The following RBFOX1 variants were observed in gnomAD, a reference collection of about 807,000 sequenced individuals.
RBFOX1 encodes RNA binding fox-1 homolog 1.
Under a neutral mutation model 57.7 loss-of-function variants are expected in RBFOX1, and 8 were observed. The observed-to-expected ratio is 0.14, with a 90% CI of 0.08 to 0.25. RBFOX1 has a LOEUF of 0.25. Among genes scored for constraint, RBFOX1 ranks in the 10% least tolerant of loss-of-function variants. The pLI is 1.00. For missense variants in RBFOX1, 611 were observed against 548.5 expected, an observed-to-expected ratio of 1.11 and a Z score of -1.14; for synonymous variants, 326 against 222.4, an observed-to-expected ratio of 1.47 and a Z score of -4.15.
chr16:7,310,018 C>T (rs568876329), intron 4 of RBFOX1, among the ~76,000 whole-genome samples: 2 of 152,306 alleles, frequency 1.3e-5, no homozygotes, highest in African/African-American at 2.4e-5. Flanking sequence ...CCGGGCTGAG[C>T]GTTGGCCCGT....
intron 4 of RBFOX1, among the ~76,000 whole-genome samples, chr16:5,977,061 C>G (rs1401265919): frequency 6.6e-6 from 1 of 152,158 alleles, no homozygotes; most frequent in Non-Finnish European, 1.5e-5. Context: ...GCATCAGAAT[C>G]TCCTGTCTCA....
chr16:5,639,682 A>C (rs1255193377), intron 3 of RBFOX1, among the ~76,000 whole-genome samples: 1 of 152,136 alleles, frequency 6.6e-6, no homozygotes, highest in African/African-American at 2.4e-5. Context: ...TCACCCATGC[A>C]CATGCCTACC....
intron 3 of RBFOX1, among the ~76,000 whole-genome samples, chr16:5,699,831 ATTAT>A (rs1555504129): frequency 6.6e-6 from 1 of 152,006 alleles, no homozygotes. Context: ...TTCTGGTTTT[ATTAT>A]TTATTTATTT....
At chr16:6,861,634 T>A (rs1384433459) in intron 3 of RBFOX1, among the ~76,000 whole-genome samples, 1 of 152,092 alleles carries the variant, frequency 6.6e-6, no homozygotes, top group Non-Finnish European at 1.5e-5. Context: ...GGTCTTTATG[T>A]TGCAATATTA....
intron 4 of RBFOX1, among the ~76,000 whole-genome samples, chr16:5,942,490 T>C (rs566815662): frequency 6.6e-6 from 1 of 152,316 alleles, no homozygotes; most frequent in Non-Finnish European, 1.5e-5. Context: ...GTAATGTTGT[T>C]ACAGGTGCAA....
intron 2 of RBFOX1, among the ~76,000 whole-genome samples, chr16:5,544,224 A>C (rs1204752087): frequency 6.6e-6 from 1 of 152,196 alleles, no homozygotes; most frequent in Non-Finnish European, 1.5e-5. Flanking sequence ...GGTCCTGCAA[A>C]GTAAGTTCTT....
At chr16:5,289,798 G>T (rs2063489484) in intron 1 of RBFOX1, among the ~76,000 whole-genome samples, 1 of 152,174 alleles carries the variant, frequency 6.6e-6, no homozygotes, top group East Asian at 1.9e-4. Flanking sequence ...GTGAGGAAAG[G>T]CTTTCTTTCT....
intron 1 of RBFOX1, among the ~76,000 whole-genome samples, chr16:5,272,259 G>T (rs1382414496): frequency 1.3e-5 from 2 of 152,172 alleles, no homozygotes; most frequent in African/African-American, 2.4e-5. Context: ...TTAGGGGATG[G>T]ACATGTTAAT....
chr16:6,913,647 G>T (rs982937352), intron 3 of RBFOX1, among the ~76,000 whole-genome samples: 2 of 152,186 alleles, frequency 1.3e-5, no homozygotes, highest in African/African-American at 4.8e-5. Context: ...TGTTTGGGCA[G>T]CAAGTTGGTC....
At chr16:6,385,172 C>G (rs2092160127) in intron 2 of RBFOX1, among the ~76,000 whole-genome samples, 1 of 152,138 alleles carries the variant, frequency 6.6e-6, no homozygotes, top group Non-Finnish European at 1.5e-5. Context: ...TCAGTGTGGA[C>G]AAGATAAAGC....
chr16:5,504,183 C>G (rs2151705353), intron 2 of RBFOX1, among the ~76,000 whole-genome samples: 1 of 152,352 alleles, frequency 6.6e-6, no homozygotes, highest in Non-Finnish European at 1.5e-5. Flanking sequence ...ATTTGAGGCT[C>G]TGCCAAGAGC....
At chr16:7,246,463 C>T (rs552463355) in intron 4 of RBFOX1, among the ~76,000 whole-genome samples, 3 of 152,184 alleles carry the variant, frequency 2.0e-5, no homozygotes, top group Non-Finnish European at 2.9e-5. Flanking sequence ...AAATCAAACT[C>T]GTTGTTTTGC....
At chr16:5,428,940 C>G (rs909930078) in intron 1 of RBFOX1, among the ~76,000 whole-genome samples, 4 of 152,042 alleles carry the variant, frequency 2.6e-5, no homozygotes, top group South Asian at 4.2e-4. Flanking sequence ...TATGGCTTGT[C>G]TCGATGTGAG....
At chr16:5,296,624 G>T in intron 1 of RBFOX1, among the ~76,000 whole-genome samples, 1 of 148,142 alleles carries the variant, frequency 6.8e-6, no homozygotes, top group Non-Finnish European at 1.5e-5. Flanking sequence ...CTGACATTTT[G>T]TATTCTTTTC....
chr16:7,355,192 C>T (rs1019794755), intron 4 of RBFOX1, among the ~76,000 whole-genome samples: 2 of 152,136 alleles, frequency 1.3e-5, no homozygotes, highest in Non-Finnish European at 2.9e-5. Context: ...GGATTTGAAT[C>T]CCCATCAGTT....
At position 6,283,062 on chromosome 16, in the gene RBFOX1, C is replaced by T. The variant is rs112261593; in HGVS notation, c.-126-33933C>T. 1.4e-3 allele frequency among the ~76,000 whole-genome samples: 214 copies of T among 152,270 alleles called. 1 individual carries two copies. Among genetic ancestry groups the T allele is most frequent in the African/African-American group, 4.8e-3 (198 of 41,568 alleles). Reference sequence around the variant, plus strand: ...CCTTACGCAACCAAACATGGTGGCCCCTGCCTGTAATCCCAGCCCTTGGGG... The same window carrying T: ...CCTTACGCAACCAAACATGGTGGCCTCTGCCTGTAATCCCAGCCCTTGGGG... On this transcript the variant is annotated intron_variant, in intron 1 of 15. Transcript: ENST00000550418.
chr16:7,098,329 C>T (rs2062043570), intron 4 of RBFOX1, among the ~76,000 whole-genome samples: 3 of 152,134 alleles, frequency 2.0e-5, no homozygotes, highest in Non-Finnish European at 4.4e-5. Context: ...ATCGCCATGC[C>T]TGGCTAATTT....
At chr16:5,878,152 G>A (rs1442288701) in intron 4 of RBFOX1, among the ~76,000 whole-genome samples, 2 of 152,166 alleles carry the variant, frequency 1.3e-5, no homozygotes, top group African/African-American at 2.4e-5. Context: ...AGGGGATGAG[G>A]GAACAATTGG....
At chr16:6,060,135 T>G (rs1273767275) in intron 1 of RBFOX1, among the ~76,000 whole-genome samples, 26 of 22,010 alleles carry the variant, frequency 1.2e-3, no homozygotes, top group Admixed American at 2.1e-3. Context: ...TTTTTTTTTT[T>G]TTTTTTTTTT....
Sources: gnomAD v4.1 joint callset for allele counts (sites outside exome capture counted in the v4.1 genomes callset) on GRCh38, gnomAD v4.1.1 for gene constraint, MANE v1.5 for transcripts, NCBI Gene and HGNC (gene_info 2026-07-23, HGNC 2026-07-21) for gene names.